Variants in PDIK1L observed in about 807,000 individuals in gnomAD.
PDIK1L encodes the protein PDLIM1 interacting kinase 1 like, also known as serine/threonine-protein kinase PDIK1L.
A neutral mutation model predicts 27.1 loss-of-function variants in PDIK1L; 9 were observed. The observed-to-expected ratio is 0.33, with a 90% CI of 0.20 to 0.58. The LOEUF (loss-of-function observed/expected upper bound fraction) is 0.58. Ranked by LOEUF, PDIK1L falls within the 20% of genes least tolerant of loss-of-function variation. PDIK1L has a pLI of 0.86. For missense variants in PDIK1L, 216 were observed against 413.2 expected (o/e 0.52, Z 4.14); for synonymous variants, 130 against 141.7 (o/e 0.92, Z 0.59).
intron 2 of PDIK1L, among the ~76,000 whole-genome samples, chr1:26,119,213 G>A (rs1313282510): frequency 1.3e-5 from 2 of 151,956 alleles, no homozygotes; most frequent in African/African-American, 2.4e-5. Context: ...TTCAAGATTA[G>A]CCTGGACAAC....
chr1:26,113,700 G>A (rs964515291), intron 1 of PDIK1L, among the ~76,000 whole-genome samples: 5 of 152,118 alleles, frequency 3.3e-5, no homozygotes, highest in African/African-American at 1.2e-4. Flanking sequence ...GCATAAGCCA[G>A]GTGTTTGTAT....
At position 26,121,859 on chromosome 1, in the gene PDIK1L, G is replaced by A. The variant is rs1375172545; in HGVS notation, c.308G>A (p.Gly103Glu). ...YLQLVETSLK[G>E]EIAFDPRSAY... ...TAGCTTGTAGAAACTTCATTAAAAG[G>A]AGAAATTGCCTTTGATCCCAGAAGC... Residue 103 changes from glycine to glutamate, a missense_variant, in exon 3 of 3, where the codon GGA becomes GAA. Physicochemically the swap from Gly to Glu is moderately conservative, Grantham distance 98 (BLOSUM62 -2). Transcript: ENST00000374269. 1 of 1,609,150 alleles carries A rather than the reference G, an allele frequency of 6.2e-7. No individual in the cohort carries two copies. The highest frequency in any genetic ancestry group is 8.5e-7 in the Non-Finnish European group (1 of 1,178,056).
intron 1 of PDIK1L, among the ~76,000 whole-genome samples, chr1:26,113,495 G>A (rs575490480): frequency 1.8e-5 from 2 of 111,400 alleles, no homozygotes; most frequent in Non-Finnish European, 3.5e-5. Flanking sequence ...GCGAGACTCC[G>A]TCTAAAAAAA....
upstream of PDIK1L, chr1:26,111,460 G>A (rs12752647): frequency 6.6e-6 from 1 of 151,786 alleles, no homozygotes; most frequent in Non-Finnish European, 1.5e-5. This position sits in a 1 kb window ranked among gnomAD's most constrained non-coding sequence, Gnocchi z 4.0. Context: ...GGGAGGCCGC[G>A]GCCGGGCGCG....
intron 2 of PDIK1L, among the ~76,000 whole-genome samples, chr1:26,120,082 A>G (rs1054918249): frequency 1.4e-4 from 22 of 152,316 alleles, no homozygotes; most frequent in African/African-American, 5.1e-4. Context: ...CTGCATTTCC[A>G]TAGCTCTCAG....
At chr1:26,119,975 A>C (rs1458267872) in intron 2 of PDIK1L, among the ~76,000 whole-genome samples, 1 of 152,198 alleles carries the variant, frequency 6.6e-6, no homozygotes, top group Non-Finnish European at 1.5e-5. Context: ...AAGAGTTTAG[A>C]CTATATCCTA....
rs940630246 is a variant in PDIK1L at position 26,122,666 on chromosome 1, C to G, written c.*89C>G. 1.4e-6 allele frequency: 2 copies of G among 1,450,084 alleles called. No homozygotes were observed. The highest frequency in any genetic ancestry group is 2.8e-5 in the African/African-American group (2 of 70,280). The allele number at this position is 1,450,084 out of a possible 1,614,324, so 89.8% of individuals were successfully genotyped here. A position where few individuals can be genotyped will look rare whatever the true frequency, so the allele number is the denominator to read the frequency against. ...TGTGGCTGAAAAAGAATATAAAAAG[C>G]TAGACTCTACCCTCTAAGGGTTTAG... is the stretch of plus-strand genomic sequence containing the variant. On this transcript the variant is annotated 3_prime_UTR_variant, in exon 3 of 3. Transcript: ENST00000374269. The surrounding 1 kb of genome is among the most constrained non-coding windows in gnomAD (Gnocchi z 5.4).
At chr1:26,113,674 C>T (rs1343641781) in intron 1 of PDIK1L, among the ~76,000 whole-genome samples, 1 of 152,082 alleles carries the variant, frequency 6.6e-6, no homozygotes. Context: ...TGATTTGGTT[C>T]ACTTTCAGGC....
At chr1:26,120,620 T>C (rs1286425149) in intron 2 of PDIK1L, among the ~76,000 whole-genome samples, 2 of 152,164 alleles carry the variant, frequency 1.3e-5, no homozygotes, top group African/African-American at 4.8e-5. Flanking sequence ...GTTCAACTCA[T>C]GGGTCTGAAA....
rs1032473654 is a variant in PDIK1L, at chr1:26,114,615, A to G, written c.285+22A>G. Reference sequence around the variant, plus strand: ...ACAGGTATGTGTTGTTGATTGGGAAATAGAAATGATTTGAACATGGCATTG... The same window carrying G: ...ACAGGTATGTGTTGTTGATTGGGAAGTAGAAATGATTTGAACATGGCATTG... On this transcript the variant is annotated intron_variant, in intron 2 of 2. Coordinates refer to ENST00000374269, the MANE Select transcript of PDIK1L (RefSeq NM_152835.5). This position sits in a 1 kb window ranked among gnomAD's most constrained non-coding sequence, Gnocchi z 4.8. 2 of 1,603,658 alleles carry G rather than the reference A, an allele frequency of 1.2e-6. No individual in the cohort carries two copies. Among genetic ancestry groups the G allele is most frequent in the Non-Finnish European group, 1.7e-6 (2 of 1,171,766 alleles).
intron 2 of PDIK1L, among the ~76,000 whole-genome samples, chr1:26,119,582 G>A (rs540442758): frequency 6.6e-6 from 1 of 152,158 alleles, no homozygotes; most frequent in Admixed American, 6.5e-5. Flanking sequence ...GAAAGAAGAG[G>A]CTGGGCGCAG....
Position 26,124,023 on chromosome 1 carries a change from T to A in PDIK1L, c.*1446T>A, listed in dbSNP as rs1271625411. 4 of 152,640 alleles carry A rather than the reference T, an allele frequency of 2.6e-5. No individual in the cohort carries two copies. The highest frequency in any genetic ancestry group is 6.5e-5 in the Admixed American group (1 of 15,276). 9.5% of individuals were successfully genotyped at this position (152,640 alleles called of 1,614,324 possible). The stretch of plus-strand genomic sequence containing the variant: ...TACATTGTATCTAAGTTAATCTTTA[T>A]AAAGCACTAGAATTTTTGGTCAAAA... On this transcript the variant is annotated 3_prime_UTR_variant, in exon 3 of 3. Coordinates refer to ENST00000374269, the MANE Select transcript of PDIK1L (RefSeq NM_152835.5).
intron 2 of PDIK1L, among the ~76,000 whole-genome samples, chr1:26,118,868 C>T (rs1258757131): frequency 6.6e-6 from 1 of 152,224 alleles, no homozygotes; most frequent in Non-Finnish European, 1.5e-5. Flanking sequence ...GTATATTCTC[C>T]ATACGGATTT....
In PDIK1L at chr1:26,114,797, C is replaced by T. The variant is rs1198369662; in HGVS notation, c.285+204C>T. The stretch of plus-strand genomic sequence containing the variant: ...CTGTGAGGCACATACCTAAAAATAA[C>T]ATAAGCCACCTGTTATGCAATGGTA... On this transcript the variant is annotated intron_variant, in intron 2 of 2. Coordinates refer to ENST00000374269, the MANE Select transcript of PDIK1L (RefSeq NM_152835.5). This position sits in a 1 kb window ranked among gnomAD's most constrained non-coding sequence, Gnocchi z 4.8. Among the ~76,000 whole-genome samples the T allele has an allele frequency of 2.6e-5, 4 of 152,186 alleles. No individual in the cohort carries two copies. The highest frequency in any genetic ancestry group is 2.6e-4 in the Admixed American group (4 of 15,280).
intron 2 of PDIK1L, among the ~76,000 whole-genome samples, chr1:26,117,295 G>A (rs1453976399): frequency 6.6e-6 from 1 of 151,992 alleles, no homozygotes; most frequent in African/African-American, 2.4e-5. Flanking sequence ...GCCTCCCAAA[G>A]TGCTGGGATT....
At chr1:26,120,473 T>G (rs2124473812) in intron 2 of PDIK1L, among the ~76,000 whole-genome samples, 1 of 152,352 alleles carries the variant, frequency 6.6e-6, no homozygotes, top group East Asian at 1.9e-4. Context: ...TCGCAATTAC[T>G]ATTGTCTGCC....
chr1:26,117,015 CTTTTTTTTTTT>C (rs60381058), intron 2 of PDIK1L, among the ~76,000 whole-genome samples: 42 of 103,566 alleles, frequency 4.1e-4, no homozygotes, highest in African/African-American at 1.4e-3. Flanking sequence ...TGCGCCCAAC[CTTTTTTTTTTT>C]TTTTTTTTTT....
At position 26,114,286 on chromosome 1, in the gene PDIK1L, T is replaced by G; in HGVS notation, c.-17-6T>G. On this transcript the variant is annotated splice_region_variant and splice_polypyrimidine_tract_variant and intron_variant, in intron 1 of 2. Coordinates refer to ENST00000374269, the MANE Select transcript of PDIK1L (RefSeq NM_152835.5). This position sits in a 1 kb window ranked among gnomAD's most constrained non-coding sequence, Gnocchi z 4.8. ...TTTCAACAGAGCACTTTGTTGATTT[T>G]TCCAGAAACCTCGACCTTGAAGATG... is the stretch of plus-strand genomic sequence containing the variant. 1 of 1,597,368 alleles carries G rather than the reference T, an allele frequency of 6.3e-7. No individual in the cohort carries two copies. Among genetic ancestry groups the G allele is most frequent in the Non-Finnish European group, 8.6e-7 (1 of 1,168,654 alleles).
Position 26,114,182 on chromosome 1 carries a change from CT to C in PDIK1L, c.-17-108del. On this transcript the variant is annotated intron_variant, in intron 1 of 2. Coordinates refer to ENST00000374269, the MANE Select transcript of PDIK1L (RefSeq NM_152835.5). This position sits in a 1 kb window ranked among gnomAD's most constrained non-coding sequence, Gnocchi z 4.8. Reference sequence around the variant, plus strand: ...ATTTCCCCTAGGTATAGCAAATATCCTTCAAGCACTGCAGACAGTCAGACAG... The same window carrying C: ...ATTTCCCCTAGGTATAGCAAATATCCTCAAGCACTGCAGACAGTCAGACAG... 9.1e-7 allele frequency: 1 copy of C among 1,099,078 alleles called. No homozygotes were observed. Among genetic ancestry groups the C allele is most frequent in the Non-Finnish European group, 1.3e-6 (1 of 781,506 alleles). 68.1% of individuals were successfully genotyped at this position (1,099,078 alleles called of 1,614,324 possible).
Sources: gnomAD v4.1 joint callset for allele counts (sites outside exome capture counted in the v4.1 genomes callset) on GRCh38, gnomAD v4.1.1 for gene constraint, Gnocchi (gnomAD v3.1) non-coding constraint, MANE v1.5 for transcripts, NCBI Gene and HGNC (gene_info 2026-07-23, HGNC 2026-07-21) for gene names.